The following TNIP1 variants were observed in gnomAD, a reference collection of about 807,000 sequenced individuals.
The protein encoded by TNIP1 is TNFAIP3-interacting protein 1.
In TNIP1, 22 loss-of-function variants were observed where a neutral mutation model predicts 86.6. The ratio of observed to expected loss-of-function variants is 0.25; its 90% confidence interval spans 0.18 to 0.36. The LOEUF is 0.36. Ranked by LOEUF, TNIP1 falls within the 10% of genes least tolerant of loss-of-function variation. TNIP1 has a pLI of 1.00. For missense variants in TNIP1, 709 were observed against 820.6 expected, an observed-to-expected ratio of 0.86 and a Z score of 1.66; for synonymous variants, 294 against 313.0, an observed-to-expected ratio of 0.94 and a Z score of 0.64.
intron 12 of TNIP1, among the ~76,000 whole-genome samples, 175 bp downstream of exon 12, chr5:151,038,922 G>T (rs565500640): frequency 5.9e-5 from 9 of 152,176 alleles, no homozygotes; most frequent in African/African-American, 9.6e-5. Context: ...TAATTCAAGG[G>T]CTGAGTCACT....
chr5:151,060,435 C>G (rs746363095), intron 4 of TNIP1, 40 bp from the exon 5 acceptor site: 3 of 1,595,280 alleles, frequency 1.9e-6, no homozygotes, highest in Non-Finnish European at 2.6e-6. Context: ...GAGAGAAAAA[C>G]AGCTCACCCC....
chr5:151,060,113 G>A (rs1205895263), intron 5 of TNIP1, among the ~76,000 whole-genome samples: 2 of 152,206 alleles, frequency 1.3e-5, no homozygotes, highest in South Asian at 2.1e-4. Flanking sequence ...TCGGGTGCCC[G>A]TGTGCTCCAA....
upstream of TNIP1, among the ~76,000 whole-genome samples, chr5:151,085,842 G>T (rs1229049511): frequency 6.6e-6 from 1 of 152,186 alleles, no homozygotes; most frequent in Non-Finnish European, 1.5e-5. Context: ...CCACAAAACC[G>T]GAGCATTTCC....
chr5:151,032,288 T>G lies in TNIP1; in HGVS notation c.1875A>C (p.Pro625=), dbSNP rs1561797306. Residue 625 remains proline, a splice_region_variant and synonymous_variant, in exon 17 of 18, where the codon CCA becomes CCC. Transcript: ENST00000521591. ...CAAGACTCAGTATTAGGGGCTCACC[T>G]GGTTCTGTAGGCCTGGCTGTGGGAG... ...MDPPTARPTE[P]ESPKNDREGP... 1 of 1,613,360 alleles carries G rather than the reference T, an allele frequency of 6.2e-7. No homozygotes were observed. Among genetic ancestry groups the G allele is most frequent in the Non-Finnish European group, 8.5e-7 (1 of 1,179,636 alleles).
At chr5:151,033,275 C>T (rs72790107) in intron 16 of TNIP1, among the ~76,000 whole-genome samples, 14,264 of 151,844 alleles carry the variant, frequency 0.094, 776 homozygotes, top group Middle Eastern at 0.22. Flanking sequence ...CCTAGTTACA[C>T]GTGGAAGTTA....
chr5:151,049,922 A>T lies in TNIP1; in HGVS notation c.748T>A (p.Leu250Met). The change falls in exon 8 of 18, where the codon TTG becomes ATG. Residue 250 changes from leucine to methionine, a missense_variant. Coordinates refer to ENST00000521591, the MANE Select transcript of TNIP1 (RefSeq NM_006058.5). Reference sequence around the variant, plus strand: ...TCTTTGTTGCCATTGCTCATCAACAACTTCTTGAGCTCCAAATTTTCCTCC... The same window carrying T: ...TCTTTGTTGCCATTGCTCATCAACATCTTCTTGAGCTCCAAATTTTCCTCC... ...LREENLELKK[L>M]LMSNGNKEGA... The T allele has an allele frequency of 5.6e-6, 9 of 1,614,062 alleles. No homozygotes were observed. The highest frequency in any genetic ancestry group is 7.6e-6 in the Non-Finnish European group (9 of 1,179,978).
intron 6 of TNIP1, among the ~76,000 whole-genome samples, chr5:151,055,647 G>C (rs528235047): frequency 6.6e-6 from 1 of 152,276 alleles, no homozygotes; most frequent in South Asian, 2.1e-4. Context: ...TCCTCATACT[G>C]CATCTCCAAC....
chr5:151,051,634 G>A (rs929155561), intron 7 of TNIP1, among the ~76,000 whole-genome samples: 1 of 152,204 alleles, frequency 6.6e-6, no homozygotes, highest in African/African-American at 2.4e-5. Flanking sequence ...CATAATCACA[G>A]AGACTCCTGG....
chr5:151,064,592 G>A (rs1428761448), intron 2 of TNIP1, among the ~76,000 whole-genome samples: 1 of 272 alleles, frequency 3.7e-3, no homozygotes, highest in Non-Finnish European at 6.8e-3. Flanking sequence ...CTAGGAACGC[G>A]TGCCCCAGTT....
chr5:151,056,715 C>CG (rs779189084), intron 6 of TNIP1, 51 bp downstream of exon 6: 3 of 1,427,898 alleles, frequency 2.1e-6, no homozygotes, highest in South Asian at 1.5e-5. Flanking sequence ...GGGAAGAGCT[C>CG]GGGGGGAAGC....
chr5:151,040,890 G>A (rs998939158), intron 11 of TNIP1, among the ~76,000 whole-genome samples: 1 of 152,118 alleles, frequency 6.6e-6, no homozygotes, highest in Admixed American at 6.5e-5. Flanking sequence ...CAAGAGTCTG[G>A]CAGTCAAGTG....
chr5:151,048,631 A>T (rs1759492552), intron 8 of TNIP1, among the ~76,000 whole-genome samples: 1 of 152,212 alleles, frequency 6.6e-6, no homozygotes, highest in South Asian at 2.1e-4. Context: ...CATTCAAGGA[A>T]GACGAGTGGA....
chr5:151,060,470 G>A lies in TNIP1; in HGVS notation c.358-75C>T, dbSNP rs929694126. On this transcript the variant is annotated intron_variant, in intron 4 of 17. Coordinates refer to ENST00000521591, the MANE Select transcript of TNIP1 (RefSeq NM_006058.5). ...CTCCTCTGCGGCCCTGTGGCTGAGA[G>A]CAGCAAGGGGGACAAAATCTCTTCC... 19 of 1,335,192 alleles carry A rather than the reference G, an allele frequency of 1.4e-5. 1 individual carries two copies. The Middle Eastern group carries it at 1.1e-3, about 76-fold the overall frequency. The allele number at this position is 1,335,192 out of a possible 1,614,324, so 82.7% of individuals were successfully genotyped here.
At position 151,038,123 on chromosome 5, in the gene TNIP1, G is replaced by A. The variant is rs775379818; in HGVS notation, c.1263+974C>T. The stretch of plus-strand genomic sequence containing the variant: ...CAAGTCCCCCAGCTCAGGACAGATC[G>A]CGTTTCTTTCTCTGGAAACAGGTCA... On this transcript the variant is annotated intron_variant, in intron 12 of 17. Transcript: ENST00000521591. Among the ~76,000 whole-genome samples, 10 of 152,228 alleles carry A rather than the reference G, an allele frequency of 6.6e-5. No homozygotes were observed. In the East Asian group the frequency reaches 9.6e-4, roughly 15 times the overall value.
At chr5:151,065,277 C>A in intron 1 of TNIP1, 146 bp from the exon 2 acceptor site, 2 of 652,992 alleles carry the variant, frequency 3.1e-6, no homozygotes, top group Non-Finnish European at 5.1e-6. Context: ...GGACAGTCAC[C>A]TCCTTTTATC....
chr5:151,063,652 G>C lies in TNIP1; in HGVS notation c.232C>G (p.Pro78Ala). Reference protein sequence around the residue: ...KDNELLPPPSPSLGSFDPLAE... With the variant: ...KDNELLPPPSASLGSFDPLAE... ...AGGGGGTCGAAGGAGCCCAAGGAGGGAGAAGGTGGTGGGAGCAGCTCGTTG... is the reference window on the plus strand; with the variant it reads ...AGGGGGTCGAAGGAGCCCAAGGAGGCAGAAGGTGGTGGGAGCAGCTCGTTG... Residue 78 changes from proline to alanine, a missense_variant, in exon 3 of 18, where the codon CCC becomes GCC. Physicochemically the swap from Pro to Ala is conservative, Grantham distance 27. Transcript: ENST00000521591. The C allele has an allele frequency of 6.2e-7, 1 of 1,614,096 alleles. No homozygotes were observed. Among genetic ancestry groups the C allele is most frequent in the Non-Finnish European group, 8.5e-7 (1 of 1,180,002 alleles).
intron 8 of TNIP1, 126 bp downstream of exon 8, chr5:151,049,698 C>A: frequency 3.4e-6 from 4 of 1,193,920 alleles, no homozygotes; most frequent in Non-Finnish European, 4.8e-6. Context: ...AAACACGTAA[C>A]AGCTAGAACC....
intron 14 of TNIP1, 100 bp from the exon 15 acceptor site, chr5:151,035,167 G>A (rs1757533091): frequency 1.5e-6 from 2 of 1,349,150 alleles, no homozygotes; most frequent in Admixed American, 3.9e-5. Flanking sequence ...ACCGGCTGAT[G>A]CTTCCCTCTG....
intron 11 of TNIP1, among the ~76,000 whole-genome samples, chr5:151,041,551 G>A (rs774981663): frequency 2.3e-4 from 35 of 152,218 alleles, no homozygotes; most frequent in Non-Finnish European, 4.9e-4. Flanking sequence ...AATTTTTGTA[G>A]AGACAAGGTG....
Sources: allele counts gnomAD v4.1 joint callset (sites outside exome capture counted in the v4.1 genomes callset), GRCh38; gene constraint gnomAD v4.1.1; transcripts MANE v1.5; gene names NCBI Gene and HGNC (gene_info 2026-07-23, HGNC 2026-07-21).